SYT1: variants seen among roughly 807,000 people sequenced by gnomAD.
SYT1 encodes the protein synaptotagmin-1.
A neutral mutation model predicts 44.8 loss-of-function variants in SYT1; 8 were observed. The observed-to-expected ratio is 0.18, with a 90% CI of 0.10 to 0.32. The LOEUF is 0.32. Ranked by LOEUF, SYT1 falls within the 10% of genes least tolerant of loss-of-function variation. The pLI is 1.00. For missense variants in SYT1, 286 were observed against 509.3 expected (o/e 0.56, Z 4.22); for synonymous variants, 154 against 188.8 (o/e 0.82, Z 1.51).
At chr12:78,902,399 A>G (rs553393535) in intron 1 of SYT1, among the ~76,000 whole-genome samples, 1 of 152,102 alleles carries the variant, frequency 6.6e-6, no homozygotes, top group Non-Finnish European at 1.5e-5. Flanking sequence ...TCTTAGGGAC[A>G]TCTCTGTACC....
At chr12:79,321,896 T>C (rs1159631457) in intron 8 of SYT1, among the ~76,000 whole-genome samples, 3 of 152,158 alleles carry the variant, frequency 2.0e-5, no homozygotes, top group African/African-American at 7.2e-5. Context: ...CTTCAGATAT[T>C]GTGTGGTCTC....
At chr12:79,177,975 AT>A (rs1036591207) in intron 3 of SYT1, among the ~76,000 whole-genome samples, 23 of 148,810 alleles carry the variant, frequency 1.5e-4, no homozygotes, top group African/African-American at 5.8e-4. Flanking sequence ...GTTTGCGAAA[AT>A]TTTCTCCCAT....
chr12:79,329,565 C>G (rs1881764152), intron 8 of SYT1, among the ~76,000 whole-genome samples: 1 of 152,188 alleles, frequency 6.6e-6, no homozygotes, highest in Non-Finnish European at 1.5e-5. Context: ...AGGCACTGTT[C>G]TGACCACTTT....
chr12:78,871,079 T>A (rs552373164), intron 1 of SYT1, among the ~76,000 whole-genome samples: 1 of 152,152 alleles, frequency 6.6e-6, no homozygotes, highest in African/African-American at 2.4e-5. Flanking sequence ...ACTTAACACC[T>A]GAGAATAAAG....
chr12:79,036,413 C>T (rs117229528), intron 2 of SYT1: 1 of 151,926 alleles, frequency 6.6e-6, no homozygotes, highest in Non-Finnish European at 1.5e-5. Flanking sequence ...ATTTATTCAG[C>T]TCCTTTTCCT....
intron 4 of SYT1, among the ~76,000 whole-genome samples, chr12:79,233,504 T>C (rs1565867192): frequency 6.6e-6 from 1 of 152,214 alleles, no homozygotes; most frequent in African/African-American, 2.4e-5. Context: ...CAGTTCCTCT[T>C]TTCAGCTACA....
chr12:78,881,134 G>A (rs1333446557), intron 1 of SYT1, among the ~76,000 whole-genome samples: 6 of 151,582 alleles, frequency 4.0e-5, no homozygotes, highest in Non-Finnish European at 8.9e-5. Context: ...AAAAGGAAAT[G>A]CCTCTCATTC....
intron 1 of SYT1, among the ~76,000 whole-genome samples, chr12:78,962,680 T>A (rs1226749836): frequency 6.6e-6 from 1 of 152,170 alleles, no homozygotes; most frequent in Admixed American, 6.6e-5. Context: ...GTTTTAATAA[T>A]GTGGCTCATA....
chr12:78,931,195 GAAA>G (rs1565723121), intron 1 of SYT1, among the ~76,000 whole-genome samples: 40 of 22,446 alleles, frequency 1.8e-3, no homozygotes, highest in Non-Finnish European at 2.3e-3. Flanking sequence ...AAGAAAGAAA[GAAA>G]GAAAGAAAGA....
At chr12:79,044,160 C>G (rs1873815629) in intron 2 of SYT1, among the ~76,000 whole-genome samples, 1 of 151,932 alleles carries the variant, frequency 6.6e-6, no homozygotes. Flanking sequence ...TTTCCTGAAT[C>G]TGAATGTTGG....
intron 1 of SYT1, among the ~76,000 whole-genome samples, chr12:78,913,642 G>T (rs976961681): frequency 2.6e-5 from 4 of 151,908 alleles, no homozygotes; most frequent in African/African-American, 9.6e-5. Context: ...TCCAGTATGA[G>T]TTGTTTGTTT....
rs765977954 is a variant in SYT1, at chr12:79,217,573, C to A, written c.54C>A (p.Val18=). ...TGGCAGCCCCGCCTGTCACCACTGTCGCGACTGTTCTGCCAAGCAACGCCA... is the reference window on the plus strand; with the variant it reads ...TGGCAGCCCCGCCTGTCACCACTGTAGCGACTGTTCTGCCAAGCAACGCCA... ...EALAAPPVTT[V]ATVLPSNATE... is the part of the protein sequence containing the mutation. The change falls in exon 4 of 11, where the codon GTC becomes GTA. Residue 18 remains valine (V), a synonymous_variant. Coordinates refer to ENST00000261205, the MANE Select transcript of SYT1 (RefSeq NM_005639.3). The A allele has an allele frequency of 6.2e-7, 1 of 1,612,404 alleles. No homozygotes were observed. Among genetic ancestry groups the A allele is most frequent in the East Asian group, 2.2e-5 (1 of 44,734 alleles).
intron 4 of SYT1, among the ~76,000 whole-genome samples, chr12:79,257,576 C>T (rs987680868): frequency 2.0e-5 from 3 of 152,140 alleles, no homozygotes; most frequent in African/African-American, 4.8e-5. Flanking sequence ...CAAGCTCCGC[C>T]TCCCGGGTTC....
chr12:79,328,707 G>T (rs570601037), intron 8 of SYT1, among the ~76,000 whole-genome samples: 1 of 151,994 alleles, frequency 6.6e-6, no homozygotes, highest in Non-Finnish European at 1.5e-5. Flanking sequence ...TTAGCCGGGC[G>T]TGGTGGCAGG....
chr12:79,136,475 C>T (rs375697114), intron 3 of SYT1, among the ~76,000 whole-genome samples: 41 of 152,312 alleles, frequency 2.7e-4, no homozygotes, highest in African/African-American at 8.2e-4. Flanking sequence ...GAATCCCATA[C>T]GCATGTGCTG....
intron 1 of SYT1, among the ~76,000 whole-genome samples, chr12:78,961,362 G>A (rs1879492914): frequency 6.6e-6 from 1 of 151,978 alleles, no homozygotes; most frequent in Non-Finnish European, 1.5e-5. Context: ...TCCCACCTCA[G>A]CCTCCTAAAC....
At chr12:79,049,264 C>T (rs1479985163) in intron 3 of SYT1, among the ~76,000 whole-genome samples, 1 of 151,818 alleles carries the variant, frequency 6.6e-6, no homozygotes, top group Non-Finnish European at 1.5e-5. Flanking sequence ...GCCTAGCATA[C>T]CTCGGAGACA....
At chr12:79,238,416 T>C (rs1301807140) in intron 4 of SYT1, among the ~76,000 whole-genome samples, 1 of 152,218 alleles carries the variant, frequency 6.6e-6, no homozygotes, top group Admixed American at 6.5e-5. Context: ...CCAGTGGATT[T>C]AGAGCTCTTT....
intron 4 of SYT1, among the ~76,000 whole-genome samples, chr12:79,238,626 C>T (rs922408006): frequency 2.0e-5 from 3 of 152,138 alleles, no homozygotes; most frequent in East Asian, 1.9e-4. Context: ...GTATGTGCTG[C>T]GGTAGTGAAA....
Sources: gnomAD v4.1 joint callset for allele counts (sites outside exome capture counted in the v4.1 genomes callset) on GRCh38, gnomAD v4.1.1 for gene constraint, MANE v1.5 for transcripts, NCBI Gene and HGNC (gene_info 2026-07-23, HGNC 2026-07-21) for gene names.